The following TENM3 variants were observed in gnomAD, a reference collection of about 807,000 sequenced individuals.
TENM3 encodes the protein teneurin transmembrane protein 3, also known as teneurin-3.
Under a neutral mutation model 255.1 loss-of-function variants are expected in TENM3, and 63 were observed. The observed-to-expected ratio is 0.25, with a 90% CI of 0.20 to 0.30. The LOEUF is 0.30. Ranked by LOEUF, TENM3 falls within the 10% of genes least tolerant of loss-of-function variation. The pLI is 1.00. For missense variants in TENM3, 2,929 were observed against 3,461.1 expected (o/e 0.85, Z 3.86); for synonymous variants, 1,306 against 1,322.3 (o/e 0.99, Z 0.27).
At chr4:182,700,760 G>A (rs1443809175) in intron 12 of TENM3, among the ~76,000 whole-genome samples, 1 of 152,040 alleles carries the variant, frequency 6.6e-6, no homozygotes, top group Non-Finnish European at 1.5e-5. Context: ...TTATGTTGGT[G>A]GGGAATCTAC....
intron 1 of TENM3, among the ~76,000 whole-genome samples, chr4:182,216,774 C>T (rs1755498179): frequency 6.6e-6 from 1 of 152,136 alleles, no homozygotes; most frequent in African/African-American, 2.4e-5. Flanking sequence ...GATGATTTCT[C>T]ATTCACTTGA....
chr4:182,768,331 A>G (rs1231937095), intron 22 of TENM3, among the ~76,000 whole-genome samples: 1 of 152,242 alleles, frequency 6.6e-6, no homozygotes, highest in Non-Finnish European at 1.5e-5. Context: ...CGAGAACTGC[A>G]AATTGTTTCC....
At chr4:181,745,887 G>T in the TENM3 span, among the ~76,000 whole-genome samples, 1 of 152,182 alleles carries the variant, frequency 6.6e-6, no homozygotes, top group Non-Finnish European at 1.5e-5. Flanking sequence ...TTTTCTTCAG[G>T]ACATTGAGCT....
the TENM3 span, among the ~76,000 whole-genome samples, chr4:182,050,623 G>T: frequency 6.6e-6 from 1 of 152,056 alleles, no homozygotes; most frequent in Non-Finnish European, 1.5e-5. Context: ...GGACAACGTG[G>T]CAAAACTCCA....
At chr4:182,198,083 C>T (rs1044811882) in intron 1 of TENM3, among the ~76,000 whole-genome samples, 7 of 151,556 alleles carry the variant, frequency 4.6e-5, no homozygotes, top group African/African-American at 7.3e-5. Flanking sequence ...CCAGCCTGGG[C>T]GACAGAGTGA....
At chr4:181,858,015 GCT>G in the TENM3 span, among the ~76,000 whole-genome samples, 1 of 152,188 alleles carries the variant, frequency 6.6e-6, no homozygotes, top group Non-Finnish European at 1.5e-5. Context: ...CTGAACATAT[GCT>G]GCATTCAGCT....
intron 24 of TENM3, 33 bp downstream of exon 24, chr4:182,775,186 C>T: frequency 1.3e-6 from 2 of 1,595,462 alleles, no homozygotes; most frequent in Non-Finnish European, 1.7e-6. Context: ...GAGATAGCTG[C>T]AGCCCTCTGA....
the TENM3 span, among the ~76,000 whole-genome samples, chr4:182,115,539 C>A: frequency 6.6e-6 from 1 of 152,056 alleles, no homozygotes; most frequent in Non-Finnish European, 1.5e-5. Context: ...AGGCTTTTCC[C>A]AAGGCAGGGA....
At chr4:182,261,494 G>A (rs1561255020) in intron 1 of TENM3, among the ~76,000 whole-genome samples, 1 of 152,156 alleles carries the variant, frequency 6.6e-6, no homozygotes, top group Admixed American at 6.5e-5. Context: ...TCAGTGTTTT[G>A]TCATACACGC....
the TENM3 span, among the ~76,000 whole-genome samples, chr4:181,871,505 T>A: frequency 6.6e-6 from 1 of 152,104 alleles, no homozygotes; most frequent in South Asian, 2.1e-4. Context: ...TGTCTATGAA[T>A]AAAGAGTTTT....
intron 3 of TENM3, among the ~76,000 whole-genome samples, chr4:182,427,661 G>A (rs12502473): frequency 0.075 from 11,470 of 152,172 alleles, 671 homozygotes; most frequent in East Asian, 0.2. Context: ...TAGTAATACA[G>A]AGGTCAGTCT....
At chr4:182,231,480 G>A (rs1329812025) in intron 1 of TENM3, among the ~76,000 whole-genome samples, 1 of 152,174 alleles carries the variant, frequency 6.6e-6, no homozygotes, top group Non-Finnish European at 1.5e-5. Context: ...TCTTGCTTGA[G>A]TACACTAAAC....
chr4:181,881,351 A>G, the TENM3 span, among the ~76,000 whole-genome samples: 1 of 152,142 alleles, frequency 6.6e-6, no homozygotes, highest in African/African-American at 2.4e-5. Flanking sequence ...TCACAAGGAC[A>G]AGTTAAAGAA....
intron 3 of TENM3, among the ~76,000 whole-genome samples, chr4:182,367,836 T>G (rs1213011281): frequency 6.6e-6 from 1 of 152,082 alleles, no homozygotes; most frequent in African/African-American, 2.4e-5. Context: ...GAGAATAAGG[T>G]GGACAGTGAA....
chr4:181,891,180 A>T, the TENM3 span, among the ~76,000 whole-genome samples: 2 of 152,328 alleles, frequency 1.3e-5, no homozygotes, highest in South Asian at 4.1e-4. Context: ...AGCTGTTCAT[A>T]AGCTCAAAAA....
At chr4:182,520,539 A>G (rs1341360486) in intron 3 of TENM3, among the ~76,000 whole-genome samples, 1 of 152,166 alleles carries the variant, frequency 6.6e-6, no homozygotes, top group Non-Finnish European at 1.5e-5. Flanking sequence ...CGTTTCACAT[A>G]TTAGCTTTTT....
chr4:181,711,075 C>T, the TENM3 span, among the ~76,000 whole-genome samples: 2 of 152,114 alleles, frequency 1.3e-5, no homozygotes, highest in Admixed American at 6.6e-5. Flanking sequence ...TATAAACTAC[C>T]TTTTCTACAT....
At chr4:182,458,482 C>T (rs1049271255) in intron 3 of TENM3, among the ~76,000 whole-genome samples, 32 of 152,064 alleles carry the variant, frequency 2.1e-4, no homozygotes, top group African/African-American at 5.8e-4. Context: ...GGTGGTGTGA[C>T]CTTGGAAAAG....
the TENM3 span, among the ~76,000 whole-genome samples, chr4:181,919,786 G>T: frequency 1.3e-5 from 2 of 151,544 alleles, no homozygotes; most frequent in Non-Finnish European, 2.9e-5. Flanking sequence ...ACAATGTGAA[G>T]GTTAGTTACA....
Sources: gnomAD v4.1 joint callset for allele counts (sites outside exome capture counted in the v4.1 genomes callset) on GRCh38, gnomAD v4.1.1 for gene constraint, MANE v1.5 for transcripts, NCBI Gene and HGNC (gene_info 2026-07-23, HGNC 2026-07-21) for gene names.